Variants in ZFR2 observed in about 807,000 individuals in gnomAD.
The protein encoded by ZFR2 is zinc finger RNA-binding protein 2.
A neutral mutation model predicts 105.7 loss-of-function variants in ZFR2; 104 were observed. The ratio of observed to expected loss-of-function variants is 0.98; its 90% CI spans 0.84 to 1.16. The LOEUF is 1.16. Ranked by LOEUF, ZFR2 falls within the 50% of genes most tolerant of loss-of-function variation. The probability of loss-of-function intolerance (pLI) is 0.00; values close to 1 mark genes in which losing one functional copy is unlikely to be tolerated. For synonymous variants in ZFR2, 634 were observed against 597.7 expected (o/e 1.06, Z -0.89); for missense variants, 1,425 against 1,355.5 (o/e 1.05, Z -0.80).
intron 1 of ZFR2, among the ~76,000 whole-genome samples, chr19:3,841,212 G>C (rs1031531315): frequency 6.6e-6 from 1 of 152,222 alleles, no homozygotes; most frequent in Non-Finnish European, 1.5e-5. Context: ...GTGGAGGAAA[G>C]ACCACCCCCT....
chr19:3,831,404 TCGAGTCGGCCC>T lies in ZFR2; in HGVS notation c.740_750del (p.Arg247LysfsTer158). 1 of 1,555,620 alleles carries T rather than the reference TCGAGTCGGCCC, an allele frequency of 6.4e-7. No homozygotes were observed. Among genetic ancestry groups the T allele is most frequent in the Non-Finnish European group, 8.7e-7 (1 of 1,151,658 alleles). On this transcript the variant is annotated frameshift_variant, in exon 5 of 19. Transcript: ENST00000262961. LOFTEE classifies it high-confidence loss of function. ...GGCAGCTTGCTGGGAAGCGGTGGCT[TCGAGTCGGCCC>T]TGGGGCTGCTTCCTGAGCCTGCAGG...
chr19:3,820,315 C>T (rs752328891), intron 10 of ZFR2, 25 bp from the exon 11 acceptor site: 173 of 1,533,436 alleles, frequency 1.1e-4, no homozygotes, highest in Non-Finnish European at 1.5e-4. Context: ...CGTGACAGAG[C>T]ATGGTCAGGC....
chr19:3,855,546 C>A, intron 1 of ZFR2: 1 of 917,372 alleles, frequency 1.1e-6, no homozygotes, highest in South Asian at 5.6e-5. Flanking sequence ...AAAGTCCCGT[C>A]CTCCAGGAGG....
chr19:3,855,423 C>T, intron 1 of ZFR2: 1 of 1,231,590 alleles, frequency 8.1e-7, no homozygotes, highest in Non-Finnish European at 1.0e-6. Flanking sequence ...TGAAAGCAGT[C>T]CCGGGCGATC....
chr19:3,837,341 G>C (rs2038085823), intron 1 of ZFR2, among the ~76,000 whole-genome samples: 1 of 152,056 alleles, frequency 6.6e-6, no homozygotes, highest in Admixed American at 6.6e-5. Flanking sequence ...CCATGACACA[G>C]ACACCCGATG....
At chr19:3,840,535 C>T (rs1202837370) in intron 1 of ZFR2, among the ~76,000 whole-genome samples, 1 of 148,626 alleles carries the variant, frequency 6.7e-6, no homozygotes, top group Non-Finnish European at 1.5e-5. Context: ...CTGTGCCTGG[C>T]CTGATTGTTT....
chr19:3,837,507 GTGACCGTGACACTCGATGAACACCA>G lies in ZFR2; in HGVS notation c.54-2549_54-2525del, dbSNP rs1371358196. On this transcript the variant is annotated intron_variant, in intron 1 of 18. Transcript: ENST00000262961. ...ATGACCATGACACTCAATGAACACC[GTGACCGTGACACTCGATGAACACCA>G]TGACCGTGACACTCGATGAACACCG... Among the ~76,000 whole-genome samples, 48 of 145,262 alleles carry G rather than the reference GTGACCGTGACACTCGATGAACACCA, an allele frequency of 3.3e-4. 3 individuals carry two copies. Among genetic ancestry groups the G allele is most frequent in the East Asian group, 1.5e-3 (7 of 4,762 alleles).
At chr19:3,815,782 C>T (rs1055457078) in intron 13 of ZFR2, among the ~76,000 whole-genome samples, 2 of 148,472 alleles carry the variant, frequency 1.3e-5, no homozygotes, top group African/African-American at 5.0e-5. Context: ...GACGGAGTCT[C>T]GCTCTGTCGC....
intron 1 of ZFR2, among the ~76,000 whole-genome samples, chr19:3,836,727 C>A (rs1377463697): frequency 6.6e-6 from 1 of 152,156 alleles, no homozygotes; most frequent in Non-Finnish European, 1.5e-5. Context: ...TCCCCACGGT[C>A]TAGACGAGAA....
chr19:3,816,841 C>T lies in ZFR2; in HGVS notation c.1936G>A (p.Val646Ile), dbSNP rs372120450. Residue 646 changes from valine to isoleucine, a missense_variant, in exon 13 of 19, where the codon GTT becomes ATT. By Grantham distance (29) the Val-to-Ile change is conservative. Coordinates refer to ENST00000262961, the MANE Select transcript of ZFR2 (RefSeq NM_015174.2). ...TTCAGGACCCGAGTCTGGGGGGCAA[C>T]GCTGCTGTGGGGACAAAGCCACAGA... The part of the protein sequence containing the change: ...REEEGDKRSS[V>I]APQTRVLKGV... 188 of 1,558,822 alleles carry T rather than the reference C, an allele frequency of 1.2e-4. No homozygotes were observed. Among genetic ancestry groups the T allele is most frequent in the Non-Finnish European group, 1.5e-4 (174 of 1,152,140 alleles).
Position 3,838,468 on chromosome 19 carries a change from C to T in ZFR2, c.54-3485G>A, listed in dbSNP as rs1388187050. ...GGGAGCTGGGGCAGAGCAGAGCTGGCCTCAGCTGTACAGCCCTTGCTGGAG... is the reference window on the plus strand; with the variant it reads ...GGGAGCTGGGGCAGAGCAGAGCTGGTCTCAGCTGTACAGCCCTTGCTGGAG... On this transcript the variant is annotated intron_variant, in intron 1 of 18. Coordinates refer to ENST00000262961, the MANE Select transcript of ZFR2 (RefSeq NM_015174.2). This position sits in a 1 kb window ranked among gnomAD's most constrained non-coding sequence, Gnocchi z 4.9. Among the ~76,000 whole-genome samples, 1 of 152,202 alleles carries T rather than the reference C, an allele frequency of 6.6e-6. No homozygotes were observed. Among genetic ancestry groups the T allele is most frequent in the Non-Finnish European group, 1.5e-5 (1 of 68,030 alleles).
chr19:3,825,120 C>G, intron 7 of ZFR2, 110 bp downstream of exon 7: 1 of 1,300,768 alleles, frequency 7.7e-7, no homozygotes, highest in Middle Eastern at 2.2e-4. Context: ...CCTCACCACC[C>G]CCCGGGAAGA....
Position 3,838,808 on chromosome 19 carries a change from A to G in ZFR2, c.54-3825T>C, listed in dbSNP as rs1185548976. ...CCTGGCACCACCCAGTATACACTGCACGTCTGTCCACAGGCCGTCTCCTCC... is the reference window on the plus strand; with the variant it reads ...CCTGGCACCACCCAGTATACACTGCGCGTCTGTCCACAGGCCGTCTCCTCC... On this transcript the variant is annotated intron_variant, in intron 1 of 18. Transcript: ENST00000262961. This position sits in a 1 kb window ranked among gnomAD's most constrained non-coding sequence, Gnocchi z 4.9. Among the ~76,000 whole-genome samples the G allele has an allele frequency of 6.6e-6, 1 of 151,944 alleles. No individual in the cohort carries two copies.
chr19:3,845,965 A>G (rs1288857863), intron 1 of ZFR2, among the ~76,000 whole-genome samples: 1 of 152,170 alleles, frequency 6.6e-6, no homozygotes, highest in Non-Finnish European at 1.5e-5. Flanking sequence ...CACTGAAATG[A>G]TATGGAAATC....
At chr19:3,852,372 C>T in intron 1 of ZFR2, 1 of 663,952 alleles carries the variant, frequency 1.5e-6, no homozygotes, top group Non-Finnish European at 2.8e-6. Context: ...CTTCTCTGCC[C>T]CTGGAGGGCA....
chr19:3,816,329 T>C (rs1299252133), intron 13 of ZFR2, among the ~76,000 whole-genome samples: 3 of 143,546 alleles, frequency 2.1e-5, no homozygotes, highest in Admixed American at 7.4e-5. Flanking sequence ...CAGTGCAACC[T>C]CTGCCTCCGG....
At chr19:3,849,227 A>G (rs2038212327) in intron 1 of ZFR2, among the ~76,000 whole-genome samples, 1 of 152,060 alleles carries the variant, frequency 6.6e-6, no homozygotes, top group Non-Finnish European at 1.5e-5. Context: ...AGAGTCCTTC[A>G]GCCCAGGACC....
In ZFR2 at chr19:3,808,882, C is replaced by A. The variant is rs756905723; in HGVS notation, c.2535G>T (p.Thr845=). ...GGCCCAGCGACTGACCTGTCAGGAG[C>A]GTCCCTGTGGCCACGCACTCCAGGA... The part of the protein sequence containing the change: ...RRVLECVATG[T]LLTDGPGLQD... Residue 845 remains threonine (T), a synonymous_variant, in exon 17 of 19, where the codon ACG becomes ACT. Transcript: ENST00000262961. 1.3e-6 allele frequency: 2 copies of A among 1,550,900 alleles called. No homozygotes were observed. Among genetic ancestry groups the A allele is most frequent in the South Asian group, 2.4e-5 (2 of 84,200 alleles).
rs1043009306 is a variant in ZFR2, at chr19:3,813,938, A to G, written c.2124T>C (p.Tyr708=). ...TGGCTTCAGGGTCGGAGGAGACCTC[A>G]TACTCATCCTCGGTCACCATCTGGG... The part of the protein sequence containing the change: ...RQLQMVTEDE[Y]EVSSDPEANI... The change falls in exon 14 of 19, where the codon TAT becomes TAC. Residue 708 remains tyrosine, a synonymous_variant. Coordinates refer to ENST00000262961, the MANE Select transcript of ZFR2 (RefSeq NM_015174.2). This position sits in a 1 kb window ranked among gnomAD's most constrained non-coding sequence, Gnocchi z 4.4. 2.5e-6 allele frequency: 4 copies of G among 1,613,806 alleles called. No individual in the cohort carries two copies. Among genetic ancestry groups the G allele is most frequent in the Non-Finnish European group, 3.4e-6 (4 of 1,179,884 alleles).
Sources: gnomAD v4.1 joint callset for allele counts (sites outside exome capture counted in the v4.1 genomes callset) on GRCh38, gnomAD v4.1.1 for gene constraint, Gnocchi (gnomAD v3.1) non-coding constraint, MANE v1.5 for transcripts, NCBI Gene and HGNC (gene_info 2026-07-23, HGNC 2026-07-21) for gene names.